The following SAMD12 variants were observed in gnomAD, a reference collection of about 807,000 sequenced individuals.
SAMD12 encodes the protein sterile alpha motif domain containing 12.
Under a neutral mutation model 15.0 loss-of-function variants are expected in SAMD12, and 9 were observed. That is an observed-to-expected ratio of 0.60 (90% CI 0.36 to 1.05). SAMD12 has a LOEUF of 1.05. Among genes scored for constraint, SAMD12 ranks in the 50% least tolerant of loss-of-function variants. SAMD12 has a pLI of 0.01. For synonymous variants in SAMD12, 86 were observed against 90.1 expected, an observed-to-expected ratio of 0.96 and a Z score of 0.25; for missense variants, 230 against 234.2, an observed-to-expected ratio of 0.98 and a Z score of 0.12.
chr8:118,253,367 T>C (rs1468854504), intron 4 of SAMD12, among the ~76,000 whole-genome samples: 3 of 152,210 alleles, frequency 2.0e-5, no homozygotes, highest in African/African-American at 4.8e-5. Flanking sequence ...ACATATTCTA[T>C]ACAATTTCTG....
At chr8:118,266,149 C>A (rs1014896108) in intron 4 of SAMD12, among the ~76,000 whole-genome samples, 3 of 152,110 alleles carry the variant, frequency 2.0e-5, no homozygotes, top group African/African-American at 7.2e-5. Flanking sequence ...GCCATCAGAT[C>A]TTGTGAGAAC....
chr8:118,418,222 G>A (rs17749697), intron 3 of SAMD12, among the ~76,000 whole-genome samples: 3 of 151,984 alleles, frequency 2.0e-5, no homozygotes, highest in East Asian at 1.9e-4. Flanking sequence ...ATTACCTTCC[G>A]AGCCTGGCCT....
chr8:118,309,829 C>T (rs148374176), intron 4 of SAMD12, among the ~76,000 whole-genome samples: 194 of 152,290 alleles, frequency 1.3e-3, no homozygotes, highest in African/African-American at 4.5e-3. Context: ...TGTGTTGCCA[C>T]AATTTATGCT....
chr8:118,439,869 C>G lies in SAMD12; in HGVS notation c.285G>C (p.Gln95His), dbSNP rs761510466. 28 of 1,613,638 alleles carry G rather than the reference C, an allele frequency of 1.7e-5. No homozygotes were observed. Among genetic ancestry groups the G allele is most frequent in the Non-Finnish European group, 2.2e-5 (26 of 1,179,604 alleles). The change falls in exon 3 of 4, where the codon CAG (glutamine) becomes CAC (histidine). Residue 95 changes from glutamine to histidine, a missense_variant. Coordinates refer to ENST00000314727, the MANE Select transcript of SAMD12 (RefSeq NM_207506.3). ...GCTGTTTGAATGACTCACTGTAGAT[C>G]TGATACTGATTCGGACAATGTTTCT... The part of the protein sequence containing the change: ...WLKKHCPNQY[Q>H]IYSESFKQHD...
chr8:118,408,877 C>T (rs1821260043), intron 3 of SAMD12, among the ~76,000 whole-genome samples: 1 of 152,128 alleles, frequency 6.6e-6, no homozygotes. Flanking sequence ...CCTGCTAACT[C>T]AACTTAGCTA....
At chr8:118,347,614 T>A (rs1438456078) in intron 4 of SAMD12, among the ~76,000 whole-genome samples, 1 of 152,178 alleles carries the variant, frequency 6.6e-6, no homozygotes, top group East Asian at 1.9e-4. Flanking sequence ...AGGCTGTTTT[T>A]TAAATGTATA....
rs569119376 is a variant in SAMD12 at position 118,304,092 on chromosome 8, C to T, written c.433+75468G>A. 7.2e-5 allele frequency among the ~76,000 whole-genome samples: 11 copies of T among 152,254 alleles called. No homozygotes were observed. The South Asian group carries it at 2.1e-3, about 29-fold the overall frequency. On this transcript the variant is annotated intron_variant, in intron 4 of 4. Coordinates refer to the SAMD12 transcript ENST00000409003. ...GGATGCCTTGTGGGCCCGGGTTCTC[C>T]GCTCTTCTCCTATTCTTTGGTGAAG...
intron 4 of SAMD12, among the ~76,000 whole-genome samples, chr8:118,244,912 T>C (rs1050434583): frequency 9.9e-5 from 15 of 152,088 alleles, no homozygotes; most frequent in African/African-American, 3.6e-4. Context: ...TGTCCAAGGA[T>C]AAATCTGAAG....
chr8:118,351,714 G>A (rs1484938514), intron 4 of SAMD12, among the ~76,000 whole-genome samples: 1 of 152,168 alleles, frequency 6.6e-6, no homozygotes, highest in Non-Finnish European at 1.5e-5. Context: ...GAGTTCTGAG[G>A]GCTCTGGGCA....
At chr8:118,180,437 C>T in the SAMD12 span, among the ~76,000 whole-genome samples, 1 of 152,176 alleles carries the variant, frequency 6.6e-6, no homozygotes, top group Non-Finnish European at 1.5e-5. Flanking sequence ...TGCCCCCAAC[C>T]CGCTGACCCT....
chr8:118,219,921 T>C (rs17485085), intron 4 of SAMD12, among the ~76,000 whole-genome samples: 4,725 of 152,334 alleles, frequency 0.031, 217 homozygotes, highest in African/African-American at 0.097. Context: ...ACAGTTGTTA[T>C]GTTAAGCCAC....
chr8:118,617,295 G>A (rs750798680), intron 1 of SAMD12, among the ~76,000 whole-genome samples: 103 of 152,336 alleles, frequency 6.8e-4, no homozygotes, highest in Non-Finnish European at 6.5e-4. Flanking sequence ...TGTCACAAAC[G>A]TTTGACGCTA....
chr8:118,382,490 C>G (rs1347869273), intron 3 of SAMD12, among the ~76,000 whole-genome samples: 1 of 152,180 alleles, frequency 6.6e-6, no homozygotes, highest in African/African-American at 2.4e-5. Flanking sequence ...GATACATAGC[C>G]CTACTAGAAT....
chr8:118,494,016 T>C (rs1012834147), intron 2 of SAMD12, among the ~76,000 whole-genome samples: 2 of 152,158 alleles, frequency 1.3e-5, no homozygotes, highest in Non-Finnish European at 2.9e-5. Flanking sequence ...GCTGGTGCCA[T>C]GGTATTGTAT....
At chr8:118,368,706 A>C in intron 4 of SAMD12, among the ~76,000 whole-genome samples, 1 of 152,190 alleles carries the variant, frequency 6.6e-6, no homozygotes, top group East Asian at 1.9e-4. Context: ...ATTTAGTGGA[A>C]AATGAAATAG....
intron 4 of SAMD12, among the ~76,000 whole-genome samples, chr8:118,259,453 A>G (rs879670695): frequency 5.9e-5 from 9 of 152,108 alleles, no homozygotes; most frequent in Admixed American, 5.9e-4. Context: ...AAGACATCCT[A>G]CAGTGCACAG....
intron 4 of SAMD12, among the ~76,000 whole-genome samples, chr8:118,347,130 T>C (rs1029765829): frequency 6.6e-6 from 1 of 152,208 alleles, no homozygotes; most frequent in Non-Finnish European, 1.5e-5. Flanking sequence ...GGTCTCGCTG[T>C]GTAGCTCAGA....
At chr8:118,185,842 G>A (rs1805249750), downstream of SAMD12, among the ~76,000 whole-genome samples, 1 of 152,160 alleles carries the variant, frequency 6.6e-6, no homozygotes, top group Admixed American at 6.5e-5. Context: ...GAAAGTGGCA[G>A]GTTTGTTTTT....
At chr8:118,463,331 A>G (rs998579384) in intron 2 of SAMD12, among the ~76,000 whole-genome samples, 1 of 152,104 alleles carries the variant, frequency 6.6e-6, no homozygotes, top group Non-Finnish European at 1.5e-5. Context: ...GTAAGACGCC[A>G]TGACTCAGGC....
Sources: gnomAD v4.1 joint callset for allele counts (sites outside exome capture counted in the v4.1 genomes callset) on GRCh38, gnomAD v4.1.1 for gene constraint, MANE v1.5 for transcripts, NCBI Gene and HGNC (gene_info 2026-07-23, HGNC 2026-07-21) for gene names.